The following RPRD1B variants were observed in gnomAD, a reference collection of about 807,000 sequenced individuals.
RPRD1B encodes regulation of nuclear pre-mRNA domain-containing protein 1B.
RPRD1B carries 11 observed loss-of-function variants against 41.5 expected under a neutral mutation model. The observed-to-expected ratio is 0.27, with a 90% CI of 0.17 to 0.44. The LOEUF (loss-of-function observed/expected upper bound fraction) is 0.44. Ranked by LOEUF, RPRD1B falls within the 20% of genes least tolerant of loss-of-function variation. The pLI, the probability that RPRD1B is intolerant of heterozygous loss-of-function variation, is 1.00. For synonymous variants in RPRD1B, 158 were observed against 155.6 expected (o/e 1.02, Z -0.12); for missense variants, 248 against 389.9 (o/e 0.64, Z 3.06).
chr20:38,046,440 G>A (rs2074122141), intron 2 of RPRD1B, among the ~76,000 whole-genome samples: 1 of 152,206 alleles, frequency 6.6e-6, no homozygotes. Context: ...AGGGCATATA[G>A]CAATGGGAGA....
At chr20:38,039,316 A>G (rs6068570) in intron 1 of RPRD1B, among the ~76,000 whole-genome samples, 41,742 of 152,000 alleles carry the variant, frequency 0.27, 7,897 homozygotes, top group African/African-American at 0.54. Flanking sequence ...GCTAATATCT[A>G]TTGGTGCACC....
intron 6 of RPRD1B, among the ~76,000 whole-genome samples, chr20:38,080,224 G>C (rs1004351540): frequency 1.3e-5 from 2 of 152,160 alleles, no homozygotes; most frequent in Non-Finnish European, 2.9e-5. Flanking sequence ...AGTTTAATTA[G>C]ATTTTACTTT....
intron 1 of RPRD1B, among the ~76,000 whole-genome samples, chr20:38,037,553 T>C (rs1179461907): frequency 1.3e-5 from 2 of 152,166 alleles, no homozygotes; most frequent in Non-Finnish European, 2.9e-5. Flanking sequence ...TCCCCCAGGA[T>C]TGGGATGGAG....
intron 1 of RPRD1B, among the ~76,000 whole-genome samples, chr20:38,037,192 T>G (rs924312324): frequency 6.6e-6 from 1 of 152,128 alleles, no homozygotes; most frequent in Non-Finnish European, 1.5e-5. Flanking sequence ...ATTCCTGATG[T>G]GTTGTCTTTC....
intron 2 of RPRD1B, among the ~76,000 whole-genome samples, chr20:38,046,069 T>C (rs1261229998): frequency 6.6e-6 from 1 of 152,228 alleles, no homozygotes; most frequent in African/African-American, 2.4e-5. Context: ...TTTTGGCTAT[T>C]CCATTTGAAG....
In RPRD1B at chr20:38,090,059, T is replaced by C; in HGVS notation, c.*184T>C. ...TCATCTTGAGCACAGTTCAGAACAG[T>C]GGCGACTGGAATCTGGTTTATATTC... On this transcript the variant is annotated 3_prime_UTR_variant, in exon 7 of 7. Transcript: ENST00000373433. 4 of 1,335,256 alleles carry C rather than the reference T, an allele frequency of 3.0e-6. No homozygotes were observed. The highest frequency in any genetic ancestry group is 3.8e-6 in the Non-Finnish European group (4 of 1,041,914). The allele number at this position is 1,335,256 out of a possible 1,614,324, so 82.7% of individuals were successfully genotyped here.
At chr20:38,087,525 T>A (rs2074573227) in intron 6 of RPRD1B, among the ~76,000 whole-genome samples, 1 of 152,168 alleles carries the variant, frequency 6.6e-6, no homozygotes, top group African/African-American at 2.4e-5. Context: ...GTGGCTTTGA[T>A]TTGTCAGCTT....
chr20:38,078,866 A>G (rs1284685340), intron 6 of RPRD1B, among the ~76,000 whole-genome samples: 1 of 152,224 alleles, frequency 6.6e-6, no homozygotes, highest in Non-Finnish European at 1.5e-5. Flanking sequence ...CCCTCGGTCA[A>G]AGATCCTTTC....
chr20:38,066,464 G>A (rs901718682), intron 6 of RPRD1B, among the ~76,000 whole-genome samples: 1 of 152,318 alleles, frequency 6.6e-6, no homozygotes, highest in East Asian at 1.9e-4. Flanking sequence ...GAACAAACTG[G>A]ATTGTAGGAA....
intron 3 of RPRD1B, among the ~76,000 whole-genome samples, chr20:38,051,211 T>TA (rs1166074565): frequency 6.6e-6 from 1 of 152,218 alleles, no homozygotes; most frequent in Non-Finnish European, 1.5e-5. Flanking sequence ...CTGTACCCTA[T>TA]AAATATATAC....
At position 38,090,035 on chromosome 20, in the gene RPRD1B, C is replaced by T. The variant is rs1214306880; in HGVS notation, c.*160C>T. On this transcript the variant is annotated 3_prime_UTR_variant, in exon 7 of 7. Transcript: ENST00000373433. ...ACTCTGATTCTCCTCTTCAGCCTCT[C>T]ATCTTGAGCACAGTTCAGAACAGTG... The T allele has an allele frequency of 7.0e-7, 1 of 1,430,014 alleles. No individual in the cohort carries two copies. The highest frequency in any genetic ancestry group is 1.4e-5 in the African/African-American group (1 of 69,716). 88.6% of individuals were successfully genotyped at this position (1,430,014 alleles called of 1,614,324 possible). A position where few individuals can be genotyped will look rare whatever the true frequency, so the allele number is the denominator to read the frequency against.
At chr20:38,078,011 A>G (rs1185063309) in intron 6 of RPRD1B, among the ~76,000 whole-genome samples, 1 of 152,042 alleles carries the variant, frequency 6.6e-6, no homozygotes, top group Non-Finnish European at 1.5e-5. Flanking sequence ...CCCCGTCTCT[A>G]TCAAAAATTA....
At chr20:38,079,867 C>G (rs533369223) in intron 6 of RPRD1B, among the ~76,000 whole-genome samples, 2 of 152,256 alleles carry the variant, frequency 1.3e-5, no homozygotes, top group South Asian at 2.1e-4. Context: ...CCTTTTTCCC[C>G]ACAACCTCCC....
intron 4 of RPRD1B, 59 bp from the exon 5 acceptor site, chr20:38,059,335 T>TA: frequency 6.6e-7 from 1 of 1,514,142 alleles, no homozygotes. Flanking sequence ...TAACTCCAAC[T>TA]AATTTTCTTT....
At chr20:38,057,001 A>C (rs2122721035) in intron 3 of RPRD1B, among the ~76,000 whole-genome samples, 1 of 152,342 alleles carries the variant, frequency 6.6e-6, no homozygotes, top group East Asian at 1.9e-4. Context: ...AATTTTTCTC[A>C]GTAGTATCAA....
chr20:38,039,794 T>G (rs928927264), intron 1 of RPRD1B, among the ~76,000 whole-genome samples: 2 of 149,872 alleles, frequency 1.3e-5, no homozygotes, highest in African/African-American at 5.0e-5. Context: ...AGTACAGTAG[T>G]GCAATCTCGG....
At chr20:38,059,598 C>T (rs1047634185) in intron 5 of RPRD1B, 78 bp downstream of exon 5, 35 of 1,405,998 alleles carry the variant, frequency 2.5e-5, no homozygotes, top group African/African-American at 5.8e-5. Flanking sequence ...CCATACTTAA[C>T]GTCTGCAGGT....
intron 5 of RPRD1B, among the ~76,000 whole-genome samples, chr20:38,064,577 A>G (rs1330822900): frequency 6.6e-6 from 1 of 152,106 alleles, no homozygotes; most frequent in African/African-American, 2.4e-5. Flanking sequence ...ACCACCACCC[A>G]CACATAATTA....
intron 6 of RPRD1B, among the ~76,000 whole-genome samples, chr20:38,078,393 A>G (rs2074484363): frequency 6.6e-6 from 1 of 152,104 alleles, no homozygotes; most frequent in Non-Finnish European, 1.5e-5. Context: ...TACCTAGTTA[A>G]TTCCTGTGTT....
Sources: allele counts gnomAD v4.1 joint callset (sites outside exome capture counted in the v4.1 genomes callset), GRCh38; gene constraint gnomAD v4.1.1; transcripts MANE v1.5; gene names NCBI Gene and HGNC (gene_info 2026-07-23, HGNC 2026-07-21).